The following DTNB variants were observed in gnomAD, a reference collection of about 807,000 sequenced individuals.
DTNB encodes the protein DTN-B.
A neutral mutation model predicts 90.7 loss-of-function variants in DTNB; 63 were observed. That is an observed-to-expected ratio of 0.69 (90% confidence interval 0.57 to 0.86). The LOEUF (loss-of-function observed/expected upper bound fraction) is 0.86. DTNB is among the 40% of genes least tolerant of loss of function. The pLI is 0.00. For missense variants in DTNB, 744 were observed against 807.1 expected, an observed-to-expected ratio of 0.92 and a Z score of 0.95; for synonymous variants, 277 against 286.7, an observed-to-expected ratio of 0.97 and a Z score of 0.34.
intron 8 of DTNB, among the ~76,000 whole-genome samples, chr2:25,541,252 G>C (rs1221099516): frequency 6.6e-6 from 1 of 152,092 alleles, no homozygotes; most frequent in South Asian, 2.1e-4. Context: ...GCAGAGGTGG[G>C]TGGATCACCT....
intron 4 of DTNB, among the ~76,000 whole-genome samples, chr2:25,625,967 A>G (rs2074064439): frequency 6.6e-6 from 1 of 152,136 alleles, no homozygotes. Flanking sequence ...GGATACCACA[A>G]AAAGGTGCCG....
chr2:25,538,982 G>T (rs1193698779), intron 8 of DTNB, among the ~76,000 whole-genome samples: 1 of 152,158 alleles, frequency 6.6e-6, no homozygotes, highest in Non-Finnish European at 1.5e-5. Flanking sequence ...GTTTAGATAT[G>T]TATAAAACCT....
chr2:25,652,106 A>G (rs1395793234), intron 2 of DTNB, among the ~76,000 whole-genome samples: 1 of 152,216 alleles, frequency 6.6e-6, no homozygotes, highest in South Asian at 2.1e-4. Context: ...TGAACTGTAT[A>G]CAACAATGTA....
chr2:25,482,200 C>T (rs1172480757), intron 10 of DTNB, among the ~76,000 whole-genome samples: 1 of 152,094 alleles, frequency 6.6e-6, no homozygotes. Context: ...CTTTTAAGTC[C>T]TGCCTGAGAG....
intron 6 of DTNB, among the ~76,000 whole-genome samples, chr2:25,589,901 C>T (rs1446042630): frequency 1.3e-5 from 2 of 152,226 alleles, no homozygotes; most frequent in African/African-American, 4.8e-5. Context: ...CCCATGCCTA[C>T]CAAGGGCGAG....
In DTNB at chr2:25,482,798, C is replaced by T; in HGVS notation, c.1077G>A (p.Lys359=). The T allele has an allele frequency of 6.2e-7, 1 of 1,613,698 alleles. No individual in the cohort carries two copies. Among genetic ancestry groups the T allele is most frequent in the East Asian group, 2.2e-5 (1 of 44,874 alleles). ...TCGAAGGCACAAGACATACGTACCT[C>T]TTGGTGGGAGTGGGCACTCCAGAGG... ...HMSSGVPTPT[K]RLQYSQDIPS... Residue 359 remains lysine (K), a splice_region_variant and synonymous_variant, in exon 10 of 21, where the codon AAG becomes AAA. Coordinates refer to ENST00000406818, the MANE Select transcript of DTNB (RefSeq NM_021907.5).
Position 25,418,570 on chromosome 2 carries a change from G to A in DTNB, c.1575+945C>T, listed in dbSNP as rs187138939. ...AAAAATTAGCTGGGTGTGGTGGTGC[G>A]TGACTGTAGTCCCAGCTACTCAGGA... On this transcript the variant is annotated intron_variant, in intron 16 of 20. Coordinates refer to ENST00000406818, the MANE Select transcript of DTNB (RefSeq NM_021907.5). Among the ~76,000 whole-genome samples the A allele has an allele frequency of 4.1e-3, 620 of 151,848 alleles. 4 individuals carry two copies. The highest frequency in any genetic ancestry group is 0.015 in the African/African-American group (601 of 41,410).
intron 5 of DTNB, among the ~76,000 whole-genome samples, chr2:25,602,111 G>A (rs1285823165): frequency 1.3e-5 from 2 of 151,624 alleles, no homozygotes; most frequent in Non-Finnish European, 2.9e-5. Flanking sequence ...AACAGAGCAA[G>A]ACTCCATCTC....
intron 10 of DTNB, among the ~76,000 whole-genome samples, chr2:25,456,764 G>A (rs1024485812): frequency 1.3e-5 from 2 of 151,496 alleles, no homozygotes; most frequent in Admixed American, 1.3e-4. Context: ...ACGGGTTTTC[G>A]CCTCTGTTGG....
chr2:25,615,350 G>A (rs904862168), intron 4 of DTNB, among the ~76,000 whole-genome samples: 2 of 152,000 alleles, frequency 1.3e-5, no homozygotes, highest in African/African-American at 4.8e-5. Flanking sequence ...TTATATCTTT[G>A]GCCACTGGTG....
At chr2:25,606,255 G>T (rs890896494) in intron 5 of DTNB, among the ~76,000 whole-genome samples, 2 of 151,858 alleles carry the variant, frequency 1.3e-5, no homozygotes, top group Non-Finnish European at 2.9e-5. Context: ...GGCTCACAGG[G>T]TACCACACTA....
intron 8 of DTNB, among the ~76,000 whole-genome samples, chr2:25,566,241 C>T (rs1415641438): frequency 1.3e-5 from 2 of 152,158 alleles, no homozygotes; most frequent in Non-Finnish European, 2.9e-5. Flanking sequence ...GAGACTCATC[C>T]TCAGCTGGCC....
rs114727289 is a variant in DTNB at position 25,561,480 on chromosome 2, T to C, written c.876+15358A>G. 1.9e-3 allele frequency among the ~76,000 whole-genome samples: 286 copies of C among 152,242 alleles called. 2 individuals carry two copies. Among genetic ancestry groups the C allele is most frequent in the African/African-American group, 6.6e-3 (274 of 41,546 alleles). Reference sequence around the variant, plus strand: ...CCATCCAATTTAAAATACAAAATAATAGCTTTATTGAGTGATATGGTTTGG... The same window carrying C: ...CCATCCAATTTAAAATACAAAATAACAGCTTTATTGAGTGATATGGTTTGG... On this transcript the variant is annotated intron_variant, in intron 8 of 20. Transcript: ENST00000406818.
chr2:25,592,396 TAA>T (rs890818065), intron 6 of DTNB, among the ~76,000 whole-genome samples: 3 of 152,182 alleles, frequency 2.0e-5, no homozygotes, highest in African/African-American at 7.2e-5. Context: ...TTGCAGTTTG[TAA>T]AGAGTACTGG....
chr2:25,380,695 G>C (rs1329810048), intron 19 of DTNB, among the ~76,000 whole-genome samples: 1 of 152,018 alleles, frequency 6.6e-6, no homozygotes, highest in East Asian at 1.9e-4. Flanking sequence ...GGCCTGGAGT[G>C]CCGGGAAAGG....
intron 5 of DTNB, among the ~76,000 whole-genome samples, chr2:25,601,378 G>C (rs1444020820): frequency 6.6e-6 from 1 of 152,062 alleles, no homozygotes; most frequent in Non-Finnish European, 1.5e-5. Context: ...TAAAAAGGAA[G>C]CTTTCTCCCT....
intron 5 of DTNB, among the ~76,000 whole-genome samples, chr2:25,602,246 A>C (rs1174456748): frequency 1.3e-5 from 2 of 152,160 alleles, no homozygotes; most frequent in Non-Finnish European, 2.9e-5. Flanking sequence ...GCCAGGAACC[A>C]CCTGAGACAA....
At chr2:25,552,745 G>A (rs951916072) in intron 8 of DTNB, among the ~76,000 whole-genome samples, 5 of 151,350 alleles carry the variant, frequency 3.3e-5, no homozygotes, top group Non-Finnish European at 5.9e-5. Flanking sequence ...TCAGAAGTAA[G>A]GTGCCCTCCG....
At chr2:25,472,907 T>G (rs1394531550) in intron 10 of DTNB, among the ~76,000 whole-genome samples, 1 of 152,082 alleles carries the variant, frequency 6.6e-6, no homozygotes, top group Non-Finnish European at 1.5e-5. Context: ...AATAAATAAT[T>G]AACAATTCAT....
Sources: allele counts gnomAD v4.1 joint callset (sites outside exome capture counted in the v4.1 genomes callset), GRCh38; gene constraint gnomAD v4.1.1; transcripts MANE v1.5; gene names NCBI Gene and HGNC (gene_info 2026-07-23, HGNC 2026-07-21).